The following CCDC80 variants were observed in gnomAD, a reference collection of about 807,000 sequenced individuals.
The protein encoded by CCDC80 is coiled-coil domain containing 80, also known as coiled-coil domain-containing protein 80.
Under a neutral mutation model 78.7 loss-of-function variants are expected in CCDC80, and 49 were observed. The ratio of observed to expected loss-of-function variants is 0.62; its 90% CI spans 0.50 to 0.79. CCDC80 has a LOEUF of 0.79. CCDC80 is among the 30% of genes least tolerant of loss of function. The probability of loss-of-function intolerance (pLI) is 0.00; values close to 1 mark genes in which losing one functional copy is unlikely to be tolerated. For synonymous variants in CCDC80, 488 were observed against 447.0 expected (o/e 1.09, Z -1.16); for missense variants, 1,205 against 1,198.6 (o/e 1.01, Z -0.08).
chr3:112,628,195 C>T (rs1295505986), intron 3 of CCDC80, among the ~76,000 whole-genome samples: 2 of 152,164 alleles, frequency 1.3e-5, no homozygotes, highest in Non-Finnish European at 2.9e-5. Context: ...ATTAAGCTCA[C>T]TGCCCTCATG....
chr3:112,605,419 A>G lies in CCDC80; in HGVS notation c.2851T>C (p.Ter951ArgextTer46). The change falls in exon 8 of 8, where the codon TGA (stop) becomes CGA (arginine). Residue 951 changes from the stop codon to arginine (R), a stop_lost. Coordinates refer to ENST00000206423, the MANE Select transcript of CCDC80 (RefSeq NM_199511.3). Reference protein sequence around the residue: ...HESYHHGYPY* With the variant: ...HESYHHGYPYR ...AGTCTAAGGTTACATATTTCTGCTCAGTAAGGGTATCCATGGTGATAACTC... is the reference window on the plus strand; with the variant it reads ...AGTCTAAGGTTACATATTTCTGCTCGGTAAGGGTATCCATGGTGATAACTC... 6.2e-7 allele frequency: 1 copy of G among 1,609,046 alleles called. No individual in the cohort carries two copies. Among genetic ancestry groups the G allele is most frequent in the Non-Finnish European group, 8.5e-7 (1 of 1,176,242 alleles).
chr3:112,636,331 ATCC>A lies in CCDC80; in HGVS notation c.1878+1694_1878+1696del, dbSNP rs879560265. ...ATTTAAATATATGTACTCTGAGAAT[ATCC>A]AAGCGACCTGATAACCCAAGTTTAT... is the stretch of plus-strand genomic sequence containing the variant. On this transcript the variant is annotated intron_variant, in intron 2 of 7. Coordinates refer to ENST00000206423, the MANE Select transcript of CCDC80 (RefSeq NM_199511.3). Among the ~76,000 whole-genome samples the A allele has an allele frequency of 5.3e-3, 809 of 152,312 alleles. 2 individuals carry two copies. The highest frequency in any genetic ancestry group is 9.5e-3 in the Admixed American group (146 of 15,304).
chr3:112,613,961 T>C (rs1362600105), intron 5 of CCDC80, among the ~76,000 whole-genome samples: 1 of 151,972 alleles, frequency 6.6e-6, no homozygotes, highest in African/African-American at 2.4e-5. Flanking sequence ...AACTTGAAAC[T>C]ACAAATTAGA....
chr3:112,622,860 G>A (rs1314766403), intron 3 of CCDC80, among the ~76,000 whole-genome samples: 2 of 129,978 alleles, frequency 1.5e-5, no homozygotes, highest in Admixed American at 8.8e-5. Context: ...ATTTTTAGTA[G>A]AGACGGGGTT....
chr3:112,609,705 A>C (rs1436960871), intron 6 of CCDC80, among the ~76,000 whole-genome samples: 1 of 152,186 alleles, frequency 6.6e-6, no homozygotes, highest in Non-Finnish European at 1.5e-5. Flanking sequence ...TAAATGATAC[A>C]GATCATTAAA....
rs1314214450 is a variant in CCDC80, at chr3:112,596,901, A to T, written c.*8516T>A. The T allele has an allele frequency of 1.3e-5, 2 of 152,082 alleles. No homozygotes were observed. The highest frequency in any genetic ancestry group is 4.8e-5 in the African/African-American group (2 of 41,420). 9.4% of individuals were successfully genotyped at this position (152,082 alleles called of 1,614,324 possible). A position where few individuals can be genotyped will look rare whatever the true frequency, so the allele number is the denominator to read the frequency against. ...AGACATTCCATATTTAAGCTTCATA[A>T]TGTCCTTATTTGCACACATATACCA... On this transcript the variant is annotated 3_prime_UTR_variant, in exon 8 of 8. Transcript: ENST00000206423.
chr3:112,604,419 GATT>G lies in CCDC80; in HGVS notation c.*995_*997del, dbSNP rs1935431865. The G allele has an allele frequency of 6.6e-6, 1 of 152,070 alleles. No individual in the cohort carries two copies. Among genetic ancestry groups the G allele is most frequent in the Admixed American group, 6.6e-5 (1 of 15,266 alleles). 9.4% of individuals were successfully genotyped at this position (152,070 alleles called of 1,614,324 possible). A position where few individuals can be genotyped will look rare whatever the true frequency, so the allele number is the denominator to read the frequency against. On this transcript the variant is annotated 3_prime_UTR_variant, in exon 8 of 8. Transcript: ENST00000206423. ...GCAGCCATCAACATCAATGCAAAAA[GATT>G]ATGATCATTAGCAATTTTTAGCAAT...
intron 2 of CCDC80, among the ~76,000 whole-genome samples, chr3:112,632,160 T>A (rs1019268119): frequency 6.6e-6 from 1 of 152,212 alleles, no homozygotes; most frequent in African/African-American, 2.4e-5. Context: ...CATCTGAAAA[T>A]ATTTCTTCAG....
At chr3:112,621,046 T>C (rs982755984) in intron 3 of CCDC80, among the ~76,000 whole-genome samples, 15 of 152,060 alleles carry the variant, frequency 9.9e-5, no homozygotes, top group African/African-American at 3.6e-4. Flanking sequence ...TGGAAGGAAG[T>C]TGGAGATTGT....
chr3:112,604,124 A>G lies in CCDC80; in HGVS notation c.*1293T>C, dbSNP rs1301873156. ...TCTTGAGATGGAATCTACTCGCGTA[A>G]GTTGCTATGTACATTATTGAAATGA... On this transcript the variant is annotated 3_prime_UTR_variant, in exon 8 of 8. Transcript: ENST00000206423. 1 of 152,254 alleles carries G rather than the reference A, an allele frequency of 6.6e-6. No individual in the cohort carries two copies. The highest frequency in any genetic ancestry group is 2.4e-5 in the African/African-American group (1 of 41,462). 9.4% of individuals were successfully genotyped at this position (152,254 alleles called of 1,614,324 possible). A position where few individuals can be genotyped will look rare whatever the true frequency, so the allele number is the denominator to read the frequency against.
chr3:112,618,476 G>A (rs552335424), intron 4 of CCDC80, among the ~76,000 whole-genome samples: 26 of 152,032 alleles, frequency 1.7e-4, no homozygotes, highest in Non-Finnish European at 3.5e-4. Context: ...GCAGTGAGCC[G>A]AGATCACGCC....
chr3:112,604,359 C>G lies in CCDC80; in HGVS notation c.*1058G>C, dbSNP rs1329600204. The G allele has an allele frequency of 6.6e-6, 1 of 152,088 alleles. No homozygotes were observed. The highest frequency in any genetic ancestry group is 1.5e-5 in the Non-Finnish European group (1 of 68,030). The allele number at this position is 152,088 out of a possible 1,614,324, so 9.4% of individuals were successfully genotyped here. A position where few individuals can be genotyped will look rare whatever the true frequency, so the allele number is the denominator to read the frequency against. On this transcript the variant is annotated 3_prime_UTR_variant, in exon 8 of 8. Transcript: ENST00000206423. ...TATTTTAAGAAATTGCCACCATCAC[C>G]CCCAACCTTCAGTAACCACCACCCT...
chr3:112,607,126 T>A, intron 7 of CCDC80, 50 bp downstream of exon 7: 1 of 1,364,668 alleles, frequency 7.3e-7, no homozygotes, highest in South Asian at 1.2e-5. Context: ...TAATGTAATT[T>A]AACTGAACTT....
At chr3:112,617,503 A>G (rs1385279591) in intron 4 of CCDC80, among the ~76,000 whole-genome samples, 1 of 152,148 alleles carries the variant, frequency 6.6e-6, no homozygotes. Flanking sequence ...CAGTCTGGAC[A>G]TGGCTCGAAG....
chr3:112,634,139 A>AT (rs5851855), intron 2 of CCDC80, among the ~76,000 whole-genome samples: 98,219 of 151,442 alleles, frequency 0.65, 36,842 homozygotes, highest in Non-Finnish European at 0.84. Context: ...AAAATGCTAG[A>AT]TTTTTTTTTA....
intron 2 of CCDC80, among the ~76,000 whole-genome samples, chr3:112,632,721 T>G (rs1381971780): frequency 6.6e-6 from 1 of 152,162 alleles, no homozygotes; most frequent in African/African-American, 2.4e-5. Flanking sequence ...CTCATTTAAA[T>G]AAATAAGTGC....
chr3:112,609,959 GA>G lies in CCDC80; in HGVS notation c.2425+18del. The G allele has an allele frequency of 6.4e-7, 1 of 1,554,914 alleles. No individual in the cohort carries two copies. The highest frequency in any genetic ancestry group is 8.9e-7 in the Non-Finnish European group (1 of 1,128,086). On this transcript the variant is annotated intron_variant, in intron 6 of 7. Transcript: ENST00000206423. ...GAGAGTGGTATGGGAAAGCAGTAAT[GA>G]GGTGGCTTCCCACTCACCAAAATTG...
chr3:112,605,309 A>G lies in CCDC80; in HGVS notation c.*108T>C. 1 of 710,006 alleles carries G rather than the reference A, an allele frequency of 1.4e-6. No homozygotes were observed. Among genetic ancestry groups the G allele is most frequent in the Non-Finnish European group, 2.3e-6 (1 of 436,800 alleles). The allele number at this position is 710,006 out of a possible 1,614,324, so 44.0% of individuals were successfully genotyped here. A position where few individuals can be genotyped will look rare whatever the true frequency, so the allele number is the denominator to read the frequency against. On this transcript the variant is annotated 3_prime_UTR_variant, in exon 8 of 8. Transcript: ENST00000206423. ...TATTTAGTCTTAGAAAAACACTGAA[A>G]GAAAAAGGCAGGAAATGTAGTACGC... is the stretch of plus-strand genomic sequence containing the variant.
chr3:112,635,701 T>A (rs1936193987), intron 2 of CCDC80, among the ~76,000 whole-genome samples: 1 of 152,212 alleles, frequency 6.6e-6, no homozygotes, highest in East Asian at 1.9e-4. Context: ...TCTGTTAGTA[T>A]TTTGTTTCTA....
Sources: gnomAD v4.1 joint callset for allele counts (sites outside exome capture counted in the v4.1 genomes callset) on GRCh38, gnomAD v4.1.1 for gene constraint, MANE v1.5 for transcripts, NCBI Gene and HGNC (gene_info 2026-07-23, HGNC 2026-07-21) for gene names.